Variants in BMP5 observed in about 807,000 individuals in gnomAD.
The protein encoded by BMP5 is bone morphogenetic protein 5.
In BMP5, 23 loss-of-function variants were observed where a neutral mutation model predicts 46.6. The observed-to-expected ratio is 0.49, with a 90% CI of 0.35 to 0.70. The LOEUF (loss-of-function observed/expected upper bound fraction) is 0.70, where lower values mean the gene tolerates loss of function less well. Among genes scored for constraint, BMP5 ranks in the 30% least tolerant of loss-of-function variants. The pLI is 0.00. For missense variants in BMP5, 545 were observed against 565.6 expected (o/e 0.96, Z 0.37); for synonymous variants, 204 against 191.9 (o/e 1.06, Z -0.52).
In BMP5 at chr6:55,874,746, A is replaced by G; in HGVS notation, c.120T>C (p.Tyr40=). The change falls in exon 1 of 7, where the codon TAT becomes TAC. Residue 40 remains tyrosine (Y), a synonymous_variant. Coordinates refer to ENST00000370830, the MANE Select transcript of BMP5 (RefSeq NM_021073.4). ...GDNHVHSSFI[Y]RRLRNHERRE... is the part of the protein sequence containing the mutation. ...GTCTTTCGTGGTTCCGTAGTCTTCTATAAATAAAACTGGAGTGAACATGAT... is the reference window on the plus strand; with the variant it reads ...GTCTTTCGTGGTTCCGTAGTCTTCTGTAAATAAAACTGGAGTGAACATGAT... 2 of 1,613,560 alleles carry G rather than the reference A, an allele frequency of 1.2e-6. No homozygotes were observed. Among genetic ancestry groups the G allele is most frequent in the South Asian group, 1.1e-5 (1 of 91,072 alleles).
Position 55,826,626 on chromosome 6 carries a change from T to C in BMP5, c.491-6779A>G, listed in dbSNP as rs935470641. Among the ~76,000 whole-genome samples, 3 of 151,464 alleles carry C rather than the reference T, an allele frequency of 2.0e-5. No homozygotes were observed. The Admixed American group carries it at 2.0e-4, about 10-fold the overall frequency. On this transcript the variant is annotated intron_variant, in intron 1 of 6. Transcript: ENST00000370830. ...ATGAGCTTTCAGTGATTATTTAGAA[T>C]ACTGTAATGATAACAGCTATGCATA...
chr6:55,798,077 T>G (rs567618786), intron 2 of BMP5, among the ~76,000 whole-genome samples: 2 of 152,316 alleles, frequency 1.3e-5, no homozygotes, highest in East Asian at 3.9e-4. Context: ...GCTTGTAGAC[T>G]GTTGTCTTCT....
At chr6:55,823,080 A>G (rs962309949) in intron 1 of BMP5, among the ~76,000 whole-genome samples, 2 of 152,092 alleles carry the variant, frequency 1.3e-5, no homozygotes, top group Non-Finnish European at 1.5e-5. Context: ...GGCAAATATT[A>G]ATATCCCTGA....
intron 1 of BMP5, among the ~76,000 whole-genome samples, chr6:55,834,626 A>G (rs1035496267): frequency 6.6e-6 from 1 of 152,170 alleles, no homozygotes; most frequent in Admixed American, 6.6e-5. Context: ...CAGATACTAT[A>G]CTAGCTGTCA....
chr6:55,827,949 T>G (rs1776570666), intron 1 of BMP5, among the ~76,000 whole-genome samples: 1 of 151,872 alleles, frequency 6.6e-6, no homozygotes, highest in Non-Finnish European at 1.5e-5. Context: ...ATTTAGCTCT[T>G]ACATTTTCTT....
chr6:55,855,048 T>C (rs1263841417), intron 1 of BMP5, among the ~76,000 whole-genome samples: 1 of 152,080 alleles, frequency 6.6e-6, no homozygotes, highest in Non-Finnish European at 1.5e-5. Context: ...TTTCCTCTTC[T>C]CCTTTAGAAA....
intron 1 of BMP5, among the ~76,000 whole-genome samples, chr6:55,837,889 A>T (rs1339485465): frequency 6.6e-6 from 1 of 152,222 alleles, no homozygotes; most frequent in African/African-American, 2.4e-5. Context: ...ATTAGATCCC[A>T]CAAATGTGAG....
chr6:55,766,053 C>G (rs1774909642), intron 4 of BMP5, among the ~76,000 whole-genome samples: 1 of 152,102 alleles, frequency 6.6e-6, no homozygotes, highest in Non-Finnish European at 1.5e-5. Context: ...TAATAAGCTT[C>G]TTGATTTTCA....
At chr6:55,756,807 C>G (rs1774616372) in intron 6 of BMP5, among the ~76,000 whole-genome samples, 1 of 151,982 alleles carries the variant, frequency 6.6e-6, no homozygotes, top group African/African-American at 2.4e-5. Context: ...TCAGCTTTAT[C>G]TTCCATAACC....
chr6:55,835,090 A>C (rs1020721134), intron 1 of BMP5, among the ~76,000 whole-genome samples: 4 of 152,224 alleles, frequency 2.6e-5, no homozygotes, highest in Non-Finnish European at 1.5e-5. Flanking sequence ...CCATCTCAAA[A>C]AAAAAAAAAA....
At chr6:55,860,567 G>A (rs2127553332) in intron 1 of BMP5, among the ~76,000 whole-genome samples, 1 of 152,218 alleles carries the variant, frequency 6.6e-6, no homozygotes, top group East Asian at 1.9e-4. Context: ...GGTAGATTGG[G>A]TACGAGTGGC....
intron 3 of BMP5, among the ~76,000 whole-genome samples, chr6:55,781,041 C>T (rs1015791579): frequency 2.0e-5 from 3 of 152,016 alleles, no homozygotes; most frequent in African/African-American, 7.2e-5. Flanking sequence ...ATGAATCTCA[C>T]GCTAGGGATT....
At chr6:55,871,363 A>G (rs1777784399) in intron 1 of BMP5, among the ~76,000 whole-genome samples, 2 of 151,940 alleles carry the variant, frequency 1.3e-5, no homozygotes, top group African/African-American at 4.8e-5. Flanking sequence ...TATGAGACTG[A>G]TAAAAGTGGC....
intron 1 of BMP5, among the ~76,000 whole-genome samples, chr6:55,854,880 T>C (rs1238645003): frequency 6.6e-6 from 1 of 152,200 alleles, no homozygotes; most frequent in African/African-American, 2.4e-5. Context: ...TTAAGTAAGA[T>C]TTCTATGCAA....
intron 1 of BMP5, among the ~76,000 whole-genome samples, chr6:55,867,237 A>T (rs1225820650): frequency 1.3e-5 from 2 of 152,036 alleles, no homozygotes; most frequent in Non-Finnish European, 2.9e-5. Flanking sequence ...TAAGGATTAG[A>T]TGCATGGCAT....
chr6:55,851,272 C>G (rs567218256), intron 1 of BMP5, among the ~76,000 whole-genome samples: 1 of 151,762 alleles, frequency 6.6e-6, no homozygotes, highest in African/African-American at 2.4e-5. Flanking sequence ...TGGATGATTG[C>G]GCTTTAAAAC....
At chr6:55,841,886 A>G (rs1264837094) in intron 1 of BMP5, among the ~76,000 whole-genome samples, 1 of 150,948 alleles carries the variant, frequency 6.6e-6, no homozygotes, top group Non-Finnish European at 1.5e-5. Flanking sequence ...TGGAGAGAAC[A>G]AAGTTCAGCC....
intron 6 of BMP5, among the ~76,000 whole-genome samples, chr6:55,757,840 A>G (rs1774649863): frequency 6.6e-6 from 1 of 151,988 alleles, no homozygotes; most frequent in Admixed American, 6.6e-5. Flanking sequence ...TAGTTGTTAT[A>G]GATTGCACTT....
intron 3 of BMP5, among the ~76,000 whole-genome samples, chr6:55,774,828 T>G (rs1442626740): frequency 2.6e-5 from 4 of 151,956 alleles, no homozygotes; most frequent in Non-Finnish European, 5.9e-5. Flanking sequence ...GAGGTCTGCT[T>G]TAAGCCGCAG....
Sources: allele counts gnomAD v4.1 joint callset (sites outside exome capture counted in the v4.1 genomes callset), GRCh38; gene constraint gnomAD v4.1.1; transcripts MANE v1.5; gene names NCBI Gene and HGNC (gene_info 2026-07-23, HGNC 2026-07-21).